Variants in IRF2 observed in about 807,000 individuals in gnomAD.
IRF2 encodes interferon regulatory factor 2.
In IRF2, 15 loss-of-function variants were observed where a neutral mutation model predicts 40.6. The observed-to-expected ratio is 0.37, with a 90% CI of 0.25 to 0.57. The LOEUF (loss-of-function observed/expected upper bound fraction) is 0.57, where lower values mean the gene tolerates loss of function less well. Ranked by LOEUF, IRF2 falls within the 20% of genes least tolerant of loss-of-function variation. IRF2 has a pLI of 0.77. For missense variants in IRF2, 317 were observed against 455.7 expected (o/e 0.70, Z 2.77); for synonymous variants, 151 against 165.5 (o/e 0.91, Z 0.67).
rs1000997007 is a variant in IRF2, at chr4:184,406,875, C to T, written c.529+1283G>A. Among the ~76,000 whole-genome samples the T allele has an allele frequency of 6.6e-5, 10 of 152,036 alleles. No homozygotes were observed. In the South Asian group the frequency reaches 1.2e-3, roughly 19 times the overall value. On this transcript the variant is annotated intron_variant, in intron 6 of 8. Coordinates refer to ENST00000393593, the MANE Select transcript of IRF2 (RefSeq NM_002199.4). ...GACAGGCAAGTTTGGAAACAATTCCCGAAAAAAGAATATCCTACAGGGGGC... is the reference window on the plus strand; with the variant it reads ...GACAGGCAAGTTTGGAAACAATTCCTGAAAAAAGAATATCCTACAGGGGGC...
rs139811219 is a variant in IRF2, at chr4:184,393,135, T to C, written c.695-2386A>G. Among the ~76,000 whole-genome samples the C allele has an allele frequency of 3.3e-5, 5 of 151,988 alleles. No individual in the cohort carries two copies. The East Asian group carries it at 9.7e-4, about 29-fold the overall frequency. ...GAACAGCCACTCCCAAGAAGAAAAA[T>C]GAGGAACAGAGATGTTGAGAAACTT... On this transcript the variant is annotated intron_variant, in intron 7 of 8. Transcript: ENST00000393593.
intron 1 of IRF2, among the ~76,000 whole-genome samples, chr4:184,463,629 G>A (rs919410769): frequency 2.0e-5 from 3 of 151,814 alleles, no homozygotes; most frequent in Non-Finnish European, 2.9e-5. Context: ...CATTATATTT[G>A]TATTGGACAA....
At chr4:184,433,194 T>C (rs3756096) in intron 1 of IRF2, among the ~76,000 whole-genome samples, 21,856 of 152,246 alleles carry the variant, frequency 0.14, 1,689 homozygotes, top group East Asian at 0.21. Flanking sequence ...TGTGAAATCC[T>C]GAAATCCAGC....
intron 1 of IRF2, among the ~76,000 whole-genome samples, chr4:184,452,172 AATG>A (rs1738736426): frequency 6.6e-6 from 1 of 152,180 alleles, no homozygotes; most frequent in Non-Finnish European, 1.5e-5. Flanking sequence ...AGTCATGGGA[AATG>A]ATGCTGGCAG....
chr4:184,457,958 C>T (rs1030439974), intron 1 of IRF2, among the ~76,000 whole-genome samples: 12 of 152,230 alleles, frequency 7.9e-5, no homozygotes, highest in African/African-American at 2.9e-4. Context: ...GGAACTGGCT[C>T]TGACACTCCC....
intron 1 of IRF2, among the ~76,000 whole-genome samples, chr4:184,452,096 T>G (rs568789809): frequency 1.3e-5 from 2 of 152,084 alleles, no homozygotes; most frequent in Non-Finnish European, 2.9e-5. Context: ...CCTTCACACC[T>G]CTATTTGGAG....
At chr4:184,463,168 T>C (rs1281260409) in intron 1 of IRF2, among the ~76,000 whole-genome samples, 1 of 152,236 alleles carries the variant, frequency 6.6e-6, no homozygotes, top group Non-Finnish European at 1.5e-5. Context: ...CATTTCATTG[T>C]TTTAGGCTGA....
chr4:184,398,576 AAC>A (rs750244882), intron 7 of IRF2, among the ~76,000 whole-genome samples: 22 of 151,900 alleles, frequency 1.4e-4, no homozygotes, highest in Admixed American at 7.2e-4. Flanking sequence ...GAATCTCTTG[AAC>A]CTGGGAGGCG....
chr4:184,428,634 C>CA (rs757583158), intron 2 of IRF2: 7 of 441,118 alleles, frequency 1.6e-5, no homozygotes, highest in South Asian at 3.3e-5. Flanking sequence ...CCCAGCTCTA[C>CA]AAAAAAATAC....
chr4:184,412,148 G>A (rs760860093), intron 5 of IRF2, among the ~76,000 whole-genome samples: 13 of 152,014 alleles, frequency 8.6e-5, no homozygotes, highest in African/African-American at 2.7e-4. Flanking sequence ...CATGAACTCC[G>A]CCAAACATTG....
At chr4:184,444,107 G>C (rs1406590842) in intron 1 of IRF2, among the ~76,000 whole-genome samples, 1 of 152,238 alleles carries the variant, frequency 6.6e-6, no homozygotes, top group Non-Finnish European at 1.5e-5. Context: ...GACCAGGGAA[G>C]ACCTCGGCGG....
intron 5 of IRF2, among the ~76,000 whole-genome samples, chr4:184,410,524 C>T (rs1737033140): frequency 2.0e-5 from 3 of 152,304 alleles, no homozygotes; most frequent in Non-Finnish European, 4.4e-5. Flanking sequence ...TTCTCAATGG[C>T]GTCCTCAATG....
At chr4:184,425,310 C>T (rs768328494) in intron 2 of IRF2, among the ~76,000 whole-genome samples, 4 of 152,236 alleles carry the variant, frequency 2.6e-5, no homozygotes, top group South Asian at 2.1e-4. Context: ...TGAATGCCAA[C>T]AAGCCTAAGT....
At chr4:184,425,601 C>T (rs754109925) in intron 2 of IRF2, among the ~76,000 whole-genome samples, 1 of 152,250 alleles carries the variant, frequency 6.6e-6, no homozygotes, top group African/African-American at 2.4e-5. Context: ...CCAGCTGTAG[C>T]GGAGGAGCCC....
chr4:184,447,815 A>G (rs1374972144), intron 1 of IRF2, among the ~76,000 whole-genome samples: 1 of 152,248 alleles, frequency 6.6e-6, no homozygotes, highest in East Asian at 1.9e-4. Flanking sequence ...TGTCAAGTTC[A>G]TGGAAGTCAA....
intron 1 of IRF2, among the ~76,000 whole-genome samples, chr4:184,453,963 C>A (rs1001299955): frequency 6.6e-6 from 1 of 152,206 alleles, no homozygotes; most frequent in Non-Finnish European, 1.5e-5. Context: ...CATACTGGAA[C>A]TGGAACCTAA....
At chr4:184,458,517 T>C (rs1382341977) in intron 1 of IRF2, among the ~76,000 whole-genome samples, 1 of 152,230 alleles carries the variant, frequency 6.6e-6, no homozygotes, top group East Asian at 1.9e-4. Context: ...AATTTCATCA[T>C]TATCATGTTT....
intron 1 of IRF2, among the ~76,000 whole-genome samples, chr4:184,440,420 G>C (rs1223462054): frequency 6.6e-6 from 1 of 152,216 alleles, no homozygotes; most frequent in African/African-American, 2.4e-5. Context: ...TATTAACGTG[G>C]GCAGCAACGT....
chr4:184,422,565 G>A (rs1365798824), intron 2 of IRF2, among the ~76,000 whole-genome samples: 2 of 152,120 alleles, frequency 1.3e-5, no homozygotes, highest in African/African-American at 2.4e-5. Context: ...AACAAAATGT[G>A]GTATATCCAT....
Sources: allele counts gnomAD v4.1 joint callset (sites outside exome capture counted in the v4.1 genomes callset), GRCh38; gene constraint gnomAD v4.1.1; transcripts MANE v1.5; gene names NCBI Gene and HGNC (gene_info 2026-07-23, HGNC 2026-07-21).